AGBL4: variants seen among roughly 807,000 people sequenced by gnomAD.
AGBL4 encodes cytosolic carboxypeptidase 6.
In AGBL4, 58 loss-of-function variants were observed where a neutral mutation model predicts 66.4. The ratio of observed to expected loss-of-function variants is 0.87; its 90% confidence interval spans 0.71 to 1.09. The LOEUF (loss-of-function observed/expected upper bound fraction) is 1.09. Ranked by LOEUF, AGBL4 falls within the 50% of genes least tolerant of loss-of-function variation. The pLI is 0.00. For missense variants in AGBL4, 579 were observed against 631.0 expected (o/e 0.92, Z 0.88); for synonymous variants, 234 against 222.9 (o/e 1.05, Z -0.44).
intron 4 of AGBL4, chr1:49,174,832 A>T (rs1646802425): frequency 6.6e-6 from 1 of 151,772 alleles, no homozygotes; most frequent in Non-Finnish European, 1.5e-5. Flanking sequence ...CTCAAATGGC[A>T]GGGAAAAAAA....
chr1:48,589,675 G>A (rs1304832319), intron 10 of AGBL4, among the ~76,000 whole-genome samples: 1 of 152,152 alleles, frequency 6.6e-6, no homozygotes, highest in East Asian at 1.9e-4. Context: ...GTTTGTTAAG[G>A]TCTTTACTGC....
At chr1:48,773,596 T>G (rs1045005271) in intron 6 of AGBL4, among the ~76,000 whole-genome samples, 13 of 152,322 alleles carry the variant, frequency 8.5e-5, no homozygotes, top group African/African-American at 3.1e-4. Flanking sequence ...AAAACTTGCC[T>G]TGAGCTGTAA....
chr1:49,640,867 T>C (rs1488615687), intron 3 of AGBL4, among the ~76,000 whole-genome samples: 1 of 152,158 alleles, frequency 6.6e-6, no homozygotes, highest in African/African-American at 2.4e-5. Flanking sequence ...TGTACAGTGA[T>C]TTAGATTTTA....
At chr1:48,973,188 G>T (rs1261908677) in intron 5 of AGBL4, among the ~76,000 whole-genome samples, 2 of 152,102 alleles carry the variant, frequency 1.3e-5, no homozygotes, top group Non-Finnish European at 2.9e-5. Context: ...CTAAGTTATT[G>T]TGGTGGTAGT....
chr1:49,451,119 CCTTA>C (rs1646269653), intron 3 of AGBL4, among the ~76,000 whole-genome samples: 1 of 152,012 alleles, frequency 6.6e-6, no homozygotes, highest in East Asian at 1.9e-4. Context: ...GTACACATTT[CCTTA>C]CTGTTTGCCA....
intron 1 of AGBL4, among the ~76,000 whole-genome samples, chr1:49,973,201 C>T (rs1658277633): frequency 6.6e-6 from 1 of 152,182 alleles, no homozygotes; most frequent in Admixed American, 6.5e-5. Context: ...CCCTTACTCA[C>T]CCCTTGCCTG....
chr1:49,989,819 C>A (rs945182885), intron 1 of AGBL4, among the ~76,000 whole-genome samples: 1 of 152,154 alleles, frequency 6.6e-6, no homozygotes. Context: ...TCTCTCTTTA[C>A]AGTATTATTT....
At chr1:49,303,730 C>T (rs993690444) in intron 3 of AGBL4, among the ~76,000 whole-genome samples, 27 of 152,086 alleles carry the variant, frequency 1.8e-4, no homozygotes, top group African/African-American at 6.3e-4. Flanking sequence ...CCCGCCTCGG[C>T]CTCCCAAAGT....
At chr1:49,088,566 T>G (rs759067793) in intron 4 of AGBL4, among the ~76,000 whole-genome samples, 1 of 152,136 alleles carries the variant, frequency 6.6e-6, no homozygotes, top group Non-Finnish European at 1.5e-5. Flanking sequence ...ACTAAAAATA[T>G]GTACACCCAA....
chr1:49,302,262 T>TC (rs1265552757), intron 3 of AGBL4, among the ~76,000 whole-genome samples: 2 of 152,104 alleles, frequency 1.3e-5, no homozygotes, highest in African/African-American at 4.8e-5. Context: ...ATGCACTTTT[T>TC]TTTTTTCTGA....
At chr1:48,789,282 A>T (rs1186810274) in intron 6 of AGBL4, among the ~76,000 whole-genome samples, 2 of 45,098 alleles carry the variant, frequency 4.4e-5, no homozygotes, top group Admixed American at 8.1e-4. Flanking sequence ...GCGTGGATAT[A>T]TATATATATA....
At chr1:48,810,317 A>G (rs2148756154) in intron 6 of AGBL4, among the ~76,000 whole-genome samples, 1 of 152,310 alleles carries the variant, frequency 6.6e-6, no homozygotes, top group Non-Finnish European at 1.5e-5. Flanking sequence ...TTGTAAAAAT[A>G]TATTCCCTAA....
chr1:49,748,156 C>T (rs796381522), intron 2 of AGBL4, among the ~76,000 whole-genome samples: 2 of 152,036 alleles, frequency 1.3e-5, no homozygotes, highest in Non-Finnish European at 1.5e-5. Context: ...TGCTATCCCT[C>T]CCCTTGCGCC....
At chr1:49,159,552 T>C (rs1646500958) in intron 4 of AGBL4, among the ~76,000 whole-genome samples, 2 of 152,136 alleles carry the variant, frequency 1.3e-5, no homozygotes, top group African/African-American at 4.8e-5. Context: ...GGGTTGCTCT[T>C]CTCGAGGAAT....
intron 3 of AGBL4, among the ~76,000 whole-genome samples, chr1:49,664,908 G>A (rs1646334307): frequency 6.6e-6 from 1 of 152,038 alleles, no homozygotes; most frequent in African/African-American, 2.4e-5. Context: ...TAAATCTAAT[G>A]AAGATATAAA....
At chr1:49,157,787 T>C (rs1446448873) in intron 4 of AGBL4, among the ~76,000 whole-genome samples, 1 of 152,216 alleles carries the variant, frequency 6.6e-6, no homozygotes, top group Non-Finnish European at 1.5e-5. Flanking sequence ...TGGCATGAGA[T>C]GGTATCTCAT....
intron 3 of AGBL4, among the ~76,000 whole-genome samples, chr1:49,251,046 T>A (rs974791540): frequency 2.0e-5 from 3 of 152,144 alleles, no homozygotes; most frequent in African/African-American, 7.2e-5. Flanking sequence ...CCATATCAGA[T>A]GGGGCTGGTC....
intron 6 of AGBL4, among the ~76,000 whole-genome samples, chr1:48,730,533 T>TG (rs2148554129): frequency 6.6e-6 from 1 of 152,210 alleles, no homozygotes; most frequent in South Asian, 2.1e-4. Context: ...GTGGGTGTGG[T>TG]GGCCCTTGGA....
At chr1:49,068,111 G>A (rs1009018806) in intron 4 of AGBL4, among the ~76,000 whole-genome samples, 1 of 152,110 alleles carries the variant, frequency 6.6e-6, no homozygotes, top group Non-Finnish European at 1.5e-5. Flanking sequence ...TAGGCAGGGC[G>A]CTCAGGAAGG....
Sources: allele counts gnomAD v4.1 joint callset (sites outside exome capture counted in the v4.1 genomes callset), GRCh38; gene constraint gnomAD v4.1.1; transcripts MANE v1.5; gene names NCBI Gene and HGNC (gene_info 2026-07-23, HGNC 2026-07-21).